NT5DC4: variants seen among roughly 807,000 people sequenced by gnomAD.
NT5DC4 encodes 5'-nucleotidase domain containing 4, also known as 5'-nucleotidase domain-containing protein 4.
In NT5DC4, 44 loss-of-function variants were observed where a neutral mutation model predicts 26.6. The ratio of observed to expected loss-of-function variants is 1.65; its 90% CI spans 1.30 to 2.13. The LOEUF is 2.13. NT5DC4 is among the 30% of genes most tolerant of loss of function. The pLI, the probability that NT5DC4 is intolerant of heterozygous loss-of-function variation, is 0.00. For synonymous variants in NT5DC4, 157 were observed against 86.7 expected (o/e 1.81, Z -4.51); for missense variants, 399 against 228.1 (o/e 1.75, Z -4.83).
chr2:112,722,543 C>T lies in NT5DC4; in HGVS notation c.423C>T (p.Asp141=), dbSNP rs529013872. 21 of 717,298 alleles carry T rather than the reference C, an allele frequency of 2.9e-5. No homozygotes were observed. Among genetic ancestry groups the T allele is most frequent in the African/African-American group, 8.7e-5 (5 of 57,238 alleles). The allele number at this position is 717,298 out of a possible 1,614,324, so 44.4% of individuals were successfully genotyped here. A position where few individuals can be genotyped will look rare whatever the true frequency, so the allele number is the denominator to read the frequency against. Residue 141 remains aspartate, a synonymous_variant, in exon 5 of 17, where the codon GAC becomes GAT. Transcript: ENST00000688554. ...SFYPSKFIQR[D]DLQCFYILNM... ...ACCCCAGCAAGTTCATTCAGAGGGA[C>T]GACCTGCAGTGTTTCTACATACTCA...
chr2:112,736,563 A>T (rs549462309), intron 16 of NT5DC4: 64 of 152,278 alleles, frequency 4.2e-4, no homozygotes, highest in African/African-American at 1.5e-3. Context: ...TGTTCATTTT[A>T]TCTGCTATTT....
upstream of NT5DC4, among the ~76,000 whole-genome samples, chr2:112,719,970 CTT>C (rs869063011): frequency 1.2e-5 from 1 of 80,782 alleles, no homozygotes; most frequent in African/African-American, 5.0e-5. Context: ...TTCTTTCTTT[CTT>C]TCTTTCTTTC....
rs1679571132 is a variant in NT5DC4, at chr2:112,738,685, C to A, written c.1345-228C>A. ...TGGGGAGAGAAAATTTGAGAGTAAGCCCAGTGAATTACTTAAGTCCTGAGC... is the reference window on the plus strand; with the variant it reads ...TGGGGAGAGAAAATTTGAGAGTAAGACCAGTGAATTACTTAAGTCCTGAGC... On this transcript the variant is annotated intron_variant, in intron 16 of 16. Transcript: ENST00000688554. 2.1e-5 allele frequency: 13 copies of A among 630,552 alleles called. No individual in the cohort carries two copies. In the South Asian group the frequency reaches 2.6e-4, roughly 13 times the overall value. The allele number at this position is 630,552 out of a possible 1,614,324, so 39.1% of individuals were successfully genotyped here. A position where few individuals can be genotyped will look rare whatever the true frequency, so the allele number is the denominator to read the frequency against.
downstream of NT5DC4, among the ~76,000 whole-genome samples, chr2:112,739,417 G>C (rs1679699662): frequency 6.6e-6 from 1 of 152,034 alleles, no homozygotes; most frequent in African/African-American, 2.4e-5. Context: ...CAAGACCCCA[G>C]TCTCAAAAAA....
At chr2:112,731,825 T>G (rs1261818682) in intron 16 of NT5DC4, among the ~76,000 whole-genome samples, 1 of 152,104 alleles carries the variant, frequency 6.6e-6, no homozygotes, top group Non-Finnish European at 1.5e-5. Context: ...AGGACACACT[T>G]CATTAGCTTC....
intron 7 of NT5DC4, 54 bp downstream of exon 7, chr2:112,723,228 C>G: frequency 1.4e-6 from 1 of 716,988 alleles, no homozygotes; most frequent in East Asian, 2.7e-5. Context: ...TCTTGGTTCC[C>G]CGGGCAGCCT....
chr2:112,723,419 G>A lies in NT5DC4; in HGVS notation c.623G>A (p.Gly208Asp). The change falls in exon 8 of 17, where the codon GGC becomes GAC. Residue 208 changes from glycine to aspartate, a missense_variant and splice_region_variant. Physicochemically the swap from Gly to Asp is moderately conservative, Grantham distance 94. Coordinates refer to ENST00000688554, the MANE Select transcript of NT5DC4 (RefSeq NM_001393655.1). ...TDAMNNIHQS[G>D]CLKKTLEDLE... is the part of the protein sequence containing the mutation. ...CAGGCACTTTGCTCCCTCCTGCAGGGCTGTCTCAAGAAGACCCTGGAGGAC... is the reference window on the plus strand; with the variant it reads ...CAGGCACTTTGCTCCCTCCTGCAGGACTGTCTCAAGAAGACCCTGGAGGAC... 1 of 699,308 alleles carries A rather than the reference G, an allele frequency of 1.4e-6. No individual in the cohort carries two copies. The allele number at this position is 699,308 out of a possible 1,614,324, so 43.3% of individuals were successfully genotyped here. A position where few individuals can be genotyped will look rare whatever the true frequency, so the allele number is the denominator to read the frequency against.
chr2:112,729,741 G>T, intron 16 of NT5DC4, 37 bp downstream of exon 16: 1 of 717,206 alleles, frequency 1.4e-6, no homozygotes, highest in Non-Finnish European at 2.6e-6. Flanking sequence ...GTGGCTTGGG[G>T]TCCCATGGGC....
intron 16 of NT5DC4, chr2:112,736,916 G>A (rs1344444619): frequency 1.3e-5 from 2 of 151,994 alleles, no homozygotes; most frequent in Non-Finnish European, 2.9e-5. Flanking sequence ...ATATCTTTAT[G>A]AGGTGATGAT....
chr2:112,719,924 C>CTTTCTTTCTTTCTTTCTCTTTCTTTCTT, upstream of NT5DC4, among the ~76,000 whole-genome samples: 1 of 69,154 alleles, frequency 1.4e-5, no homozygotes, highest in Non-Finnish European at 2.6e-5. Context: ...TTCTTTCTTT[C>CTTTCTTTCTTTCTTTCTCTTTCTTTCTT]TCTTTCTTTC....
rs1487237655 is a variant in NT5DC4, at chr2:112,722,540, G to A, written c.420G>A (p.Arg140=). The A allele has an allele frequency of 2.8e-6, 2 of 717,368 alleles. No individual in the cohort carries two copies. The highest frequency in any genetic ancestry group is 3.0e-5 in the South Asian group (2 of 67,604). 44.4% of individuals were successfully genotyped at this position (717,368 alleles called of 1,614,324 possible). Residue 140 remains arginine, a synonymous_variant, in exon 5 of 17, where the codon AGG becomes AGA. Transcript: ENST00000688554. ...WSFYPSKFIQ[R]DDLQCFYILN... ...TCTACCCCAGCAAGTTCATTCAGAG[G>A]GACGACCTGCAGTGTTTCTACATAC...
At chr2:112,723,252 C>T (rs1378901907) in intron 7 of NT5DC4, 78 bp downstream of exon 7, 5 of 715,012 alleles carry the variant, frequency 7.0e-6, no homozygotes, top group African/African-American at 3.5e-5. Flanking sequence ...GGCCTCCAGT[C>T]CCCATAGCGT....
intron 15 of NT5DC4, among the ~76,000 whole-genome samples, chr2:112,728,494 A>C (rs1395148679): frequency 1.3e-5 from 2 of 152,154 alleles, no homozygotes; most frequent in Admixed American, 6.5e-5. Flanking sequence ...GCTTCCCTGG[A>C]ACCTGCACGT....
At chr2:112,719,486 T>TTTC (rs1676625504), upstream of NT5DC4, among the ~76,000 whole-genome samples, 1 of 144,770 alleles carries the variant, frequency 6.9e-6, no homozygotes, top group Non-Finnish European at 1.5e-5. Flanking sequence ...TCTGTCTTTT[T>TTTC]TTTTTTTTTT....
Position 112,725,515 on chromosome 2 carries a change from G to A in NT5DC4, c.1116G>A (p.Glu372=), listed in dbSNP as rs1356031246. 2 of 716,422 alleles carry A rather than the reference G, an allele frequency of 2.8e-6. No individual in the cohort carries two copies. Among genetic ancestry groups the A allele is most frequent in the Non-Finnish European group, 5.2e-6 (2 of 384,642 alleles). The allele number at this position is 716,422 out of a possible 1,614,324, so 44.4% of individuals were successfully genotyped here. A position where few individuals can be genotyped will look rare whatever the true frequency, so the allele number is the denominator to read the frequency against. ...GGCGGACTTGCCTGGTGGTTCCTGA[G>A]CTGTCCTGGGAGCTGGACATCTGGG... ...QGWRTCLVVP[E]LSWELDIWAQ... The change falls in exon 13 of 17, where the codon GAG becomes GAA. Residue 372 remains glutamate (E), a synonymous_variant. Transcript: ENST00000688554.
intron 16 of NT5DC4, among the ~76,000 whole-genome samples, chr2:112,732,367 CA>C (rs1272192922): frequency 1.3e-5 from 2 of 150,698 alleles, no homozygotes; most frequent in Admixed American, 6.6e-5. Flanking sequence ...TGTGTCTTTA[CA>C]GGGGCAGGTT....
At chr2:112,735,771 A>G (rs1275107838) in intron 16 of NT5DC4, among the ~76,000 whole-genome samples, 1 of 152,086 alleles carries the variant, frequency 6.6e-6, no homozygotes, top group Non-Finnish European at 1.5e-5. Flanking sequence ...ACCATCCACA[A>G]TCATTTCCAC....
chr2:112,726,562 C>T (rs2104751450), intron 14 of NT5DC4, 116 bp from the exon 15 acceptor site: 1 of 701,496 alleles, frequency 1.4e-6, no homozygotes, highest in East Asian at 2.7e-5. Flanking sequence ...CCCGGCACCC[C>T]CACTGGATGC....
In NT5DC4 at chr2:112,723,760, G is replaced by A. The variant is rs767994373; in HGVS notation, c.714G>A (p.Gly238=). The change falls in exon 9 of 17, where the codon GGG becomes GGA. Residue 238 remains glycine (G), a synonymous_variant. Coordinates refer to ENST00000688554, the MANE Select transcript of NT5DC4 (RefSeq NM_001393655.1). The stretch of plus-strand genomic sequence containing the variant: ...TGCTGGGGAAGATGAAGGAGGTTGG[G>A]AAAGTGTTTCTGGCCACCAACAGCA... ...PILLGKMKEV[G]KVFLATNSSY... is the part of the protein sequence containing the mutation. 1 of 717,226 alleles carries A rather than the reference G, an allele frequency of 1.4e-6. No individual in the cohort carries two copies. The allele number at this position is 717,226 out of a possible 1,614,324, so 44.4% of individuals were successfully genotyped here. A position where few individuals can be genotyped will look rare whatever the true frequency, so the allele number is the denominator to read the frequency against.
Sources: allele counts gnomAD v4.1 joint callset (sites outside exome capture counted in the v4.1 genomes callset), GRCh38; gene constraint gnomAD v4.1.1; transcripts MANE v1.5; gene names NCBI Gene and HGNC (gene_info 2026-07-23, HGNC 2026-07-21).